RAD21: variants seen among roughly 807,000 people sequenced by gnomAD.
The protein encoded by RAD21 is double-strand-break repair protein rad21 homolog.
RAD21 carries 18 observed loss-of-function variants against 71.5 expected under a neutral mutation model. The ratio of observed to expected loss-of-function variants is 0.25; its 90% CI spans 0.17 to 0.37. The LOEUF is 0.37. RAD21 is among the 10% of genes least tolerant of loss of function. The pLI is 1.00. For missense variants in RAD21, 493 were observed against 769.1 expected, an observed-to-expected ratio of 0.64 and a Z score of 4.25; for synonymous variants, 248 against 254.0, an observed-to-expected ratio of 0.98 and a Z score of 0.22.
At chr8:116,866,254 G>GTTTTT (rs56026154) in intron 2 of RAD21, among the ~76,000 whole-genome samples, 1 of 142,758 alleles carries the variant, frequency 7.0e-6, no homozygotes. Context: ...TTCCACGTCG[G>GTTTTT]TTTTTTTTTT....
intron 4 of RAD21, among the ~76,000 whole-genome samples, chr8:116,861,620 T>C (rs1653543060): frequency 6.6e-6 from 1 of 151,966 alleles, no homozygotes. Context: ...GTCAAAACTC[T>C]CACATCTTAG....
chr8:116,850,416 G>A (rs759938209), intron 12 of RAD21, among the ~76,000 whole-genome samples: 63 of 152,178 alleles, frequency 4.1e-4, no homozygotes, highest in Non-Finnish European at 6.3e-4. Flanking sequence ...CCACAAGAGA[G>A]CCAATGAGTT....
rs1812597755 is a variant in RAD21, at chr8:116,861,766, A to G, written c.374+75T>C. ...GTTAATGTAAAACATTCCAAGGAAA[A>G]CTATACATTTGGAAGCTAATACTAC... On this transcript the variant is annotated intron_variant, in intron 4 of 13. Transcript: ENST00000297338. 7 of 1,036,948 alleles carry G rather than the reference A, an allele frequency of 6.8e-6. No homozygotes were observed. The South Asian group carries it at 8.3e-5, about 12-fold the overall frequency. 64.2% of individuals were successfully genotyped at this position (1,036,948 alleles called of 1,614,324 possible). A position where few individuals can be genotyped will look rare whatever the true frequency, so the allele number is the denominator to read the frequency against.
At chr8:116,867,182 G>A (rs182901586) in intron 1 of RAD21, among the ~76,000 whole-genome samples, 29 of 152,188 alleles carry the variant, frequency 1.9e-4, no homozygotes, top group South Asian at 2.1e-4. Context: ...ATTAAAAATC[G>A]CGATTCTGGG....
Position 116,867,826 on chromosome 8 carries a change from A to C in RAD21, c.-32-1065T>G, listed in dbSNP as rs2921781. On this transcript the variant is annotated intron_variant, in intron 1 of 13. Transcript: ENST00000297338. ...TAGTTTCTCCCAATGGTGACATCTT[A>C]AATAACTACAATATAGTATCAAAAC... 9.7e-3 allele frequency among the ~76,000 whole-genome samples: 1,476 copies of C among 152,288 alleles called. 74 individuals are homozygous for C. The East Asian group carries it at 0.15, about 16-fold the overall frequency.
intron 3 of RAD21, 157 bp downstream of exon 3, chr8:116,862,973 C>A (rs1399609258): frequency 1.1e-6 from 1 of 901,498 alleles, no homozygotes; most frequent in Non-Finnish European, 1.6e-6. Context: ...TGAAGCACTG[C>A]CTCCCCAAGC....
chr8:116,870,556 C>T (rs1008034342), intron 1 of RAD21, among the ~76,000 whole-genome samples: 1 of 152,186 alleles, frequency 6.6e-6, no homozygotes, highest in Non-Finnish European at 1.5e-5. Context: ...GTGCCTACTT[C>T]AAGCCTTAAA....
At chr8:116,850,884 T>C in intron 11 of RAD21, 117 bp from the exon 12 acceptor site, 1 of 605,622 alleles carries the variant, frequency 1.7e-6, no homozygotes, top group Non-Finnish European at 2.8e-6. Flanking sequence ...TGAGATTATA[T>C]CTCTATACTT....
Position 116,863,051 on chromosome 8 carries a change from T to C in RAD21, c.274+79A>G, listed in dbSNP as rs1382741387. The C allele has an allele frequency of 5.4e-6, 8 of 1,484,598 alleles. No homozygotes were observed. In the East Asian group the frequency reaches 1.1e-4, roughly 21 times the overall value. The allele number at this position is 1,484,598 out of a possible 1,614,324, so 92.0% of individuals were successfully genotyped here. A position where few individuals can be genotyped will look rare whatever the true frequency, so the allele number is the denominator to read the frequency against. On this transcript the variant is annotated intron_variant, in intron 3 of 13. Coordinates refer to ENST00000297338, the MANE Select transcript of RAD21 (RefSeq NM_006265.3). ...AAAGCATGTAGATTTAGAAAATGTG[T>C]TTAGCTACAGTAACACAAAAAACAT...
At chr8:116,850,472 CG>C (rs1380366184) in intron 12 of RAD21, 145 bp downstream of exon 12, 3 of 1,322,190 alleles carry the variant, frequency 2.3e-6, no homozygotes, top group Non-Finnish European at 1.0e-6. Flanking sequence ...ATCAATACCA[CG>C]AAGAATATGG....
At chr8:116,872,869 A>G (rs1812860788) in intron 1 of RAD21, among the ~76,000 whole-genome samples, 1 of 152,218 alleles carries the variant, frequency 6.6e-6, no homozygotes, top group South Asian at 2.1e-4. Flanking sequence ...TGGTTCTAAC[A>G]TCCTTTGACC....
intron 4 of RAD21, among the ~76,000 whole-genome samples, chr8:116,860,430 C>G (rs2130475000): frequency 6.6e-6 from 1 of 152,266 alleles, no homozygotes; most frequent in East Asian, 1.9e-4. Flanking sequence ...TCAATTGATG[C>G]AGCAAACTTC....
intron 9 of RAD21, among the ~76,000 whole-genome samples, 143 bp downstream of exon 9, chr8:116,854,085 GATGAAGTTATGCCCAGT>G (rs1440315697): frequency 1.6e-4 from 23 of 147,754 alleles, no homozygotes; most frequent in Admixed American, 1.5e-3. Flanking sequence ...ATATATTTCA[GATGAAGTTATGCCCAGT>G]ACACTGTGAT....
intron 12 of RAD21, 22 bp downstream of exon 12, chr8:116,850,596 T>C: frequency 6.2e-7 from 1 of 1,601,664 alleles, no homozygotes; most frequent in Non-Finnish European, 8.5e-7. Context: ...AAATCTGGAA[T>C]GAAAATTATT....
intron 2 of RAD21, among the ~76,000 whole-genome samples, chr8:116,865,222 C>T (rs1415878412): frequency 6.6e-6 from 1 of 151,988 alleles, no homozygotes; most frequent in Non-Finnish European, 1.5e-5. Flanking sequence ...TGTGGCTGTT[C>T]GTGTATATGT....
intron 1 of RAD21, among the ~76,000 whole-genome samples, chr8:116,869,856 T>C (rs1192169229): frequency 6.6e-6 from 1 of 152,236 alleles, no homozygotes; most frequent in African/African-American, 2.4e-5. Flanking sequence ...ACAGAGTAAT[T>C]ATTTTTCATT....
At chr8:116,874,533 C>A (rs1051884662) in intron 1 of RAD21, 78 bp downstream of exon 1, 8 of 273,684 alleles carry the variant, frequency 2.9e-5, no homozygotes, top group Non-Finnish European at 5.0e-5. Flanking sequence ...AGGAGTCCGG[C>A]TCCCCGACGG....
chr8:116,856,793 A>T, intron 6 of RAD21, 22 bp from the exon 7 acceptor site: 1 of 1,468,312 alleles, frequency 6.8e-7, no homozygotes, highest in Non-Finnish European at 9.1e-7. Context: ...AATGTAAGTT[A>T]GTTATAATTT....
intron 9 of RAD21, among the ~76,000 whole-genome samples, chr8:116,852,972 G>T (rs547391115): frequency 1.2e-4 from 18 of 152,196 alleles, no homozygotes; most frequent in Non-Finnish European, 2.4e-4. Flanking sequence ...TCTGCCTGCA[G>T]TTTATTTTCA....
Sources: gnomAD v4.1 joint callset for allele counts (sites outside exome capture counted in the v4.1 genomes callset) on GRCh38, gnomAD v4.1.1 for gene constraint, MANE v1.5 for transcripts, NCBI Gene and HGNC (gene_info 2026-07-23, HGNC 2026-07-21) for gene names.